Variants in BTBD9 observed in about 807,000 individuals in gnomAD.
The protein encoded by BTBD9 is BTB domain containing 9, also known as BTB/POZ domain-containing protein 9.
BTBD9 carries 49 observed loss-of-function variants against 64.3 expected under a neutral mutation model. The ratio of observed to expected loss-of-function variants is 0.76; its 90% CI spans 0.61 to 0.97. The LOEUF (loss-of-function observed/expected upper bound fraction) is 0.97, where lower values mean the gene tolerates loss of function less well. BTBD9 is among the 50% of genes least tolerant of loss of function. The pLI is 0.00. For missense variants in BTBD9, 598 were observed against 762.1 expected, an observed-to-expected ratio of 0.78 and a Z score of 2.53; for synonymous variants, 260 against 274.7, an observed-to-expected ratio of 0.95 and a Z score of 0.53.
chr6:38,462,309 G>A (rs1770129500), intron 6 of BTBD9, among the ~76,000 whole-genome samples: 1 of 152,112 alleles, frequency 6.6e-6, no homozygotes. Flanking sequence ...TTTACATTTA[G>A]ATCGATAATC....
At chr6:38,222,329 C>T (rs539740347) in intron 9 of BTBD9, among the ~76,000 whole-genome samples, 86 of 127,728 alleles carry the variant, frequency 6.7e-4, no homozygotes, top group African/African-American at 2.2e-3. Flanking sequence ...GGTGCGATCT[C>T]GGCTTACTGC....
intron 6 of BTBD9, among the ~76,000 whole-genome samples, chr6:38,549,586 GA>G (rs375072003): frequency 1.4e-3 from 204 of 146,340 alleles, no homozygotes; most frequent in African/African-American, 2.4e-3. Context: ...TCAGGAGAGG[GA>G]AAAAAAAAAA....
At chr6:38,236,169 C>T (rs534371443) in intron 9 of BTBD9, among the ~76,000 whole-genome samples, 1 of 152,170 alleles carries the variant, frequency 6.6e-6, no homozygotes, top group Non-Finnish European at 1.5e-5. Flanking sequence ...CACTACTTTT[C>T]CATACCCTCT....
At chr6:38,597,510 T>G (rs987184687) in intron 2 of BTBD9, among the ~76,000 whole-genome samples, 1 of 152,212 alleles carries the variant, frequency 6.6e-6, no homozygotes, top group African/African-American at 2.4e-5. Flanking sequence ...TAACAGCTCC[T>G]AGACCTCAAA....
chr6:38,580,880 T>C (rs1426234259), intron 4 of BTBD9, among the ~76,000 whole-genome samples: 4 of 150,376 alleles, frequency 2.7e-5, no homozygotes, highest in Non-Finnish European at 5.9e-5. Flanking sequence ...GCTGAGTTCA[T>C]TCTACTAGTA....
At chr6:38,314,851 T>C (rs936018050) in intron 7 of BTBD9, among the ~76,000 whole-genome samples, 6 of 152,132 alleles carry the variant, frequency 3.9e-5, no homozygotes, top group Admixed American at 2.0e-4. Context: ...CTCTGATTAA[T>C]TAATTTATTT....
intron 1 of BTBD9, among the ~76,000 whole-genome samples, chr6:38,613,617 C>T (rs1036889698): frequency 6.6e-6 from 1 of 151,372 alleles, no homozygotes; most frequent in Non-Finnish European, 1.5e-5. Flanking sequence ...CAGAGTGAGA[C>T]TTTATCTTTT....
intron 9 of BTBD9, among the ~76,000 whole-genome samples, chr6:38,217,318 CAAAAAAAAAAAA>C (rs3047754): frequency 1.0e-4 from 7 of 69,264 alleles, no homozygotes; most frequent in Admixed American, 1.9e-4. Flanking sequence ...GACTCCATCT[CAAAAAAAAAAAA>C]AAAAAAAAAA....
At chr6:38,272,200 T>C (rs1461380252) in intron 8 of BTBD9, among the ~76,000 whole-genome samples, 1 of 152,058 alleles carries the variant, frequency 6.6e-6, no homozygotes, top group East Asian at 1.9e-4. Context: ...ATAAACAATA[T>C]GTCAAAAAAA....
intron 6 of BTBD9, among the ~76,000 whole-genome samples, chr6:38,403,826 C>A (rs562381672): frequency 6.6e-6 from 1 of 151,996 alleles, no homozygotes; most frequent in Admixed American, 6.6e-5. Flanking sequence ...CTAAAATGGC[C>A]CAAATATCCA....
At chr6:38,298,484 G>C (rs1762248476) in intron 7 of BTBD9, among the ~76,000 whole-genome samples, 1 of 151,674 alleles carries the variant, frequency 6.6e-6, no homozygotes. Flanking sequence ...TCAAGTATTT[G>C]TTGTTTCTAT....
At chr6:38,287,574 T>C (rs1761793390) in intron 8 of BTBD9, among the ~76,000 whole-genome samples, 1 of 152,190 alleles carries the variant, frequency 6.6e-6, no homozygotes, top group African/African-American at 2.4e-5. Flanking sequence ...GCTGTACAGG[T>C]TTGTAGCCTA....
intron 6 of BTBD9, among the ~76,000 whole-genome samples, chr6:38,466,283 C>CTTTTTTT (rs67769669): frequency 2.3e-5 from 1 of 44,068 alleles, no homozygotes; most frequent in African/African-American, 9.5e-5. Context: ...CTTCCTTTTC[C>CTTTTTTT]TTTTTTTTTT....
intron 7 of BTBD9, among the ~76,000 whole-genome samples, chr6:38,335,586 G>T (rs746413325): frequency 6.6e-6 from 1 of 151,286 alleles, no homozygotes; most frequent in Admixed American, 6.6e-5. Flanking sequence ...GTTTTTTTGA[G>T]AGGGAGTCTT....
intron 4 of BTBD9, chr6:38,587,686 T>C (rs1776598557): frequency 9.6e-6 from 6 of 624,272 alleles, no homozygotes; most frequent in South Asian, 6.0e-5. Context: ...GAATCACTTA[T>C]TGGATAGCTT....
intron 6 of BTBD9, among the ~76,000 whole-genome samples, chr6:38,351,793 C>T (rs1464439302): frequency 1.3e-5 from 2 of 152,084 alleles, no homozygotes; most frequent in African/African-American, 4.8e-5. Context: ...GCCACCGCCC[C>T]AGCCGTAATT....
At chr6:38,351,911 T>C (rs187444380) in intron 6 of BTBD9, among the ~76,000 whole-genome samples, 3 of 152,322 alleles carry the variant, frequency 2.0e-5, no homozygotes, top group Admixed American at 2.0e-4. Context: ...CTTCAGTGTA[T>C]GAAATTATAT....
intron 1 of BTBD9, among the ~76,000 whole-genome samples, chr6:38,607,682 T>G (rs1777476097): frequency 6.6e-6 from 1 of 152,006 alleles, no homozygotes; most frequent in Non-Finnish European, 1.5e-5. Context: ...CAGGCTCACT[T>G]TGTATAATAA....
At chr6:38,550,169 T>C (rs1361410056) in intron 6 of BTBD9, among the ~76,000 whole-genome samples, 1 of 152,138 alleles carries the variant, frequency 6.6e-6, no homozygotes, top group East Asian at 1.9e-4. Flanking sequence ...CTAAAAGGCA[T>C]CTCAGATCTA....
Sources: gnomAD v4.1 joint callset for allele counts (sites outside exome capture counted in the v4.1 genomes callset) on GRCh38, gnomAD v4.1.1 for gene constraint, MANE v1.5 for transcripts, NCBI Gene and HGNC (gene_info 2026-07-23, HGNC 2026-07-21) for gene names.